Variants in KDM2B observed in about 807,000 individuals in gnomAD.
KDM2B encodes the protein lysine demethylase 2B.
In KDM2B, 26 loss-of-function variants were observed where a neutral mutation model predicts 150.0. That is an observed-to-expected ratio of 0.17 (90% CI 0.13 to 0.24). KDM2B has a LOEUF of 0.24. Among genes scored for constraint, KDM2B ranks in the 10% least tolerant of loss-of-function variants. The pLI, the probability that KDM2B is intolerant of heterozygous loss-of-function variation, is 1.00. For synonymous variants in KDM2B, 734 were observed against 729.5 expected (o/e 1.01, Z -0.10); for missense variants, 1,265 against 1,816.9 (o/e 0.70, Z 5.52).
intron 9 of KDM2B, chr12:121,516,652 GCAGGT>G: frequency 2.8e-6 from 2 of 721,932 alleles, no homozygotes; most frequent in Non-Finnish European, 4.5e-6. Flanking sequence ...CTCCCAGCCT[GCAGGT>G]CATCCGTCTA....
Position 121,475,182 on chromosome 12 carries a change from C to CTGTGTGTG in KDM2B, c.1734+19389_1734+19396dup, listed in dbSNP as rs60083867. Among the ~76,000 whole-genome samples the CTGTGTGTG allele has an allele frequency of 6.6e-3, 921 of 139,754 alleles. 9 individuals are homozygous for CTGTGTGTG. The highest frequency in any genetic ancestry group is 0.042 in the South Asian group (174 of 4,162). The allele number at this position is 139,754 out of a possible 152,430, so 91.7% of individuals were successfully genotyped here. A position where few individuals can be genotyped will look rare whatever the true frequency, so the allele number is the denominator to read the frequency against. ...CCCTGTCATTAAACTACACATGACT[C>CTGTGTGTG]TGTGTGTGTGTGTGTGTGTGTGTGT... On this transcript the variant is annotated intron_variant, in intron 12 of 22. Coordinates refer to ENST00000377071, the MANE Select transcript of KDM2B (RefSeq NM_032590.5).
At chr12:121,472,927 A>AT (rs200343794) in intron 12 of KDM2B, among the ~76,000 whole-genome samples, 106 of 150,322 alleles carry the variant, frequency 7.1e-4, no homozygotes, top group Non-Finnish European at 1.0e-3. Flanking sequence ...TAATTTAATG[A>AT]TTTTTTTTTT....
At chr12:121,578,311 C>T (rs1252330357) in intron 2 of KDM2B, among the ~76,000 whole-genome samples, 1 of 152,186 alleles carries the variant, frequency 6.6e-6, no homozygotes, top group Admixed American at 6.5e-5. Context: ...CCCAAACACC[C>T]GACGCGCCCC....
rs1469418969 is a variant in KDM2B, at chr12:121,575,069, T to C, written c.351-476A>G. Among the ~76,000 whole-genome samples, 1 of 152,210 alleles carries C rather than the reference T, an allele frequency of 6.6e-6. No individual in the cohort carries two copies. The highest frequency in any genetic ancestry group is 1.5e-5 in the Non-Finnish European group (1 of 68,036). ...ACGCATTGTACTAGTTCCAGGGATG[T>C]GGTAATATGGGCTACAATTCACTAT... On this transcript the variant is annotated intron_variant, in intron 3 of 22. Transcript: ENST00000377071. The surrounding 1 kb of genome is among the most constrained non-coding windows in gnomAD (Gnocchi z 4.4).
intron 4 of KDM2B, among the ~76,000 whole-genome samples, chr12:121,568,286 T>C (rs1890852324): frequency 1.3e-5 from 2 of 151,558 alleles, no homozygotes; most frequent in South Asian, 4.2e-4. Context: ...CTGGGCAACA[T>C]GGTGAAATCT....
chr12:121,502,105 T>C (rs984635756), intron 11 of KDM2B, among the ~76,000 whole-genome samples: 1 of 152,204 alleles, frequency 6.6e-6, no homozygotes, highest in Non-Finnish European at 1.5e-5. Flanking sequence ...TTTCACAGGC[T>C]CGCACATTTG....
chr12:121,413,401 T>C, the KDM2B span, among the ~76,000 whole-genome samples: 2 of 145,612 alleles, frequency 1.4e-5, no homozygotes, highest in African/African-American at 2.6e-5. Context: ...TGGACTGTTA[T>C]AATTTTACCT....
rs1885730796 is a variant in KDM2B, at chr12:121,513,065, CTT to C, written c.1174+209_1174+210del. 6.6e-6 allele frequency among the ~76,000 whole-genome samples: 1 copy of C among 152,382 alleles called. No homozygotes were observed. Among genetic ancestry groups the C allele is most frequent in the East Asian group, 1.9e-4 (1 of 5,190 alleles). Reference sequence around the variant, plus strand: ...TGGGCTGGAGGCCACACACGTGACTCTTTTGGGGATCCGAATTCATTTTCTTG... The same window carrying C: ...TGGGCTGGAGGCCACACACGTGACTCTTGGGGATCCGAATTCATTTTCTTG... On this transcript the variant is annotated intron_variant, in intron 10 of 22. Coordinates refer to ENST00000377071, the MANE Select transcript of KDM2B (RefSeq NM_032590.5). This position sits in a 1 kb window ranked among gnomAD's most constrained non-coding sequence, Gnocchi z 5.0.
chr12:121,580,968 A>C lies in KDM2B; in HGVS notation c.-57T>G. On this transcript the variant is annotated 5_prime_UTR_variant, in exon 1 of 23. Transcript: ENST00000377071. ...AATTAGCTCGGCTTCCATACCTATA[A>C]GGACTGCCTAACTTTTAAACTCCCG... 1 of 1,584,944 alleles carries C rather than the reference A, an allele frequency of 6.3e-7. No individual in the cohort carries two copies. Among genetic ancestry groups the C allele is most frequent in the African/African-American group, 1.4e-5 (1 of 73,684 alleles).
chr12:121,455,119 C>A (rs1878019576), intron 12 of KDM2B, among the ~76,000 whole-genome samples: 2 of 152,314 alleles, frequency 1.3e-5, no homozygotes, highest in East Asian at 3.9e-4. Flanking sequence ...CCACAGCATT[C>A]AAGGAGCTTC....
At chr12:121,485,741 C>T (rs1438025163) in intron 12 of KDM2B, among the ~76,000 whole-genome samples, 5 of 151,792 alleles carry the variant, frequency 3.3e-5, no homozygotes, top group South Asian at 2.1e-4. Context: ...ATAATAATAA[C>T]GCCACTCAAC....
chr12:121,508,018 G>A (rs1291511599), intron 11 of KDM2B, among the ~76,000 whole-genome samples: 12 of 152,114 alleles, frequency 7.9e-5, no homozygotes, highest in South Asian at 2.1e-4. Flanking sequence ...CTGTCTCAAC[G>A]GTAAAAAAAT....
intron 12 of KDM2B, among the ~76,000 whole-genome samples, chr12:121,490,277 G>A (rs1313582067): frequency 6.6e-6 from 1 of 152,240 alleles, no homozygotes; most frequent in East Asian, 1.9e-4. Flanking sequence ...AACAGCTACT[G>A]ATGAGGACTG....
chr12:121,481,835 GTGGTGCAATCTCGGCTC>G (rs1219217425), intron 12 of KDM2B, among the ~76,000 whole-genome samples: 3 of 152,190 alleles, frequency 2.0e-5, no homozygotes, highest in South Asian at 4.1e-4. Flanking sequence ...CTGGAGTGCA[GTGGTGCAATCTCGGCTC>G]ACTGCAACCT....
intron 8 of KDM2B, 105 bp downstream of exon 8, chr12:121,532,701 G>A (rs964535357): frequency 1.6e-6 from 2 of 1,215,320 alleles, no homozygotes; most frequent in East Asian, 4.7e-5. Flanking sequence ...GACTGCCAAT[G>A]GCCTGTCAAA....
intron 12 of KDM2B, among the ~76,000 whole-genome samples, chr12:121,485,180 A>G (rs1882623031): frequency 1.3e-5 from 2 of 152,214 alleles, no homozygotes; most frequent in Middle Eastern, 6.8e-3. Flanking sequence ...AGCCTTTGTT[A>G]TGAAGCCCTA....
downstream of KDM2B, among the ~76,000 whole-genome samples, chr12:121,425,380 T>G (rs1872465028): frequency 6.6e-6 from 1 of 152,066 alleles, no homozygotes; most frequent in Non-Finnish European, 1.5e-5. Context: ...AGGTCCAACT[T>G]GACTTGACTC....
chr12:121,546,908 C>G (rs1339780105), intron 6 of KDM2B, among the ~76,000 whole-genome samples: 3 of 151,728 alleles, frequency 2.0e-5, no homozygotes, highest in African/African-American at 7.3e-5. Context: ...GTTGGCCAAG[C>G]TGGTGTCAAA....
chr12:121,544,284 ACT>A (rs1888845403), intron 6 of KDM2B, among the ~76,000 whole-genome samples: 1 of 151,738 alleles, frequency 6.6e-6, no homozygotes, highest in Non-Finnish European at 1.5e-5. Flanking sequence ...ACAAAGCAAG[ACT>A]CTGTCTCCAA....
Sources: allele counts gnomAD v4.1 joint callset (sites outside exome capture counted in the v4.1 genomes callset), GRCh38; gene constraint gnomAD v4.1.1; non-coding constraint Gnocchi (gnomAD v3.1); transcripts MANE v1.5; gene names NCBI Gene and HGNC (gene_info 2026-07-23, HGNC 2026-07-21).